The following THOC2 variants were observed in gnomAD, a reference collection of about 807,000 sequenced individuals.
THOC2 encodes THO complex subunit 2.
A neutral mutation model predicts 128.4 loss-of-function variants in THOC2; 10 were observed. The observed-to-expected ratio is 0.08, with a 90% confidence interval of 0.05 to 0.13. THOC2 has a LOEUF of 0.13. Among genes scored for constraint, THOC2 ranks in the 10% least tolerant of loss-of-function variants. The pLI, the probability that THOC2 is intolerant of heterozygous loss-of-function variation, is 1.00. For synonymous variants in THOC2, 393 were observed against 396.9 expected (o/e 0.99, Z 0.12); for missense variants, 535 against 1,155.7 (o/e 0.46, Z 7.79).
chrX:123,674,945 A>G (rs2049426096), intron 8 of THOC2, among the ~76,000 whole-genome samples: 1 of 111,676 alleles, frequency 9.0e-6, no homozygotes, highest in Admixed American at 9.6e-5. Context: ...GCATCACACA[A>G]TATACCCAGG....
chrX:123,606,471 G>A (rs1235990246), intron 38 of THOC2, among the ~76,000 whole-genome samples: 1 of 110,420 alleles, frequency 9.1e-6, no homozygotes, highest in Non-Finnish European at 1.9e-5. Context: ...GCACATGCCT[G>A]TAATCCCAGC....
rs1268369977 is a variant in THOC2 at position 123,600,743 on chromosome X, G to C, written c.*614C>G. On this transcript the variant is annotated 3_prime_UTR_variant, in exon 39 of 39. Transcript: ENST00000245838. ...TATGTTTTGATCCCCCCGCCGCCAAGATTTGTCTAACATAATTACAAGAAA... is the reference window on the plus strand; with the variant it reads ...TATGTTTTGATCCCCCCGCCGCCAACATTTGTCTAACATAATTACAAGAAA... 1 of 111,912 alleles carries C rather than the reference G, an allele frequency of 8.9e-6. No homozygotes were observed. Among genetic ancestry groups the C allele is most frequent in the East Asian group, 2.8e-4 (1 of 3,603 alleles). The allele number at this position is 111,912 out of a possible 1,213,427, so 9.2% of individuals were successfully genotyped here. A position where few individuals can be genotyped will look rare whatever the true frequency, so the allele number is the denominator to read the frequency against.
At chrX:123,630,950 G>A (rs2047458394) in intron 22 of THOC2, among the ~76,000 whole-genome samples, 1 of 112,411 alleles carries the variant, frequency 8.9e-6, no homozygotes, top group East Asian at 2.8e-4. Flanking sequence ...AGAGGGAAAT[G>A]CCATTTCTTT....
chrX:123,671,705 T>C lies in THOC2; in HGVS notation c.825A>G (p.Gln275=), dbSNP rs761169355. The C allele has an allele frequency of 3.4e-6, 4 of 1,180,064 alleles. No individual in the cohort carries two copies. The African/African-American group carries it at 5.3e-5, about 16-fold the overall frequency. The part of the protein sequence containing the change: ...SLYRVAAVLL[Q]FNLIDLDDLY... ...GATCATCTAAATCAATAAGATTAAA[T>C]TGTAGAAGTACTGCTGCAACTCTGT... The change falls in exon 9 of 39, where the codon CAA becomes CAG. Residue 275 remains glutamine, a synonymous_variant. Coordinates refer to ENST00000245838, the MANE Select transcript of THOC2 (RefSeq NM_001081550.2).
At chrX:123,714,700 T>C (rs1239906290) in intron 1 of THOC2, among the ~76,000 whole-genome samples, 1 of 112,100 alleles carries the variant, frequency 8.9e-6, no homozygotes, top group Non-Finnish European at 1.9e-5. Flanking sequence ...CAAACCTTTT[T>C]CCAGGCTCTA....
intron 1 of THOC2, among the ~76,000 whole-genome samples, chrX:123,721,195 C>CA (rs1456568375): frequency 3.7e-5 from 4 of 109,032 alleles, no homozygotes; most frequent in African/African-American, 1.3e-4. Context: ...TGTTTTGAGA[C>CA]AGAGTCTTGC....
intron 33 of THOC2, among the ~76,000 whole-genome samples, chrX:123,618,797 T>C (rs1216247246): frequency 9.0e-6 from 1 of 111,614 alleles, no homozygotes; most frequent in Non-Finnish European, 1.9e-5. Context: ...AGTAGAATAA[T>C]AGGTAAGAAT....
rs201564182 is a variant in THOC2, at chrX:123,645,335, G to A, written c.1427C>T (p.Thr476Met). The change falls in exon 13 of 39, where the codon ACG (threonine) becomes ATG (methionine). Residue 476 changes from threonine (T) to methionine (M), a missense_variant and splice_region_variant. Around this residue, in one of 9 missense-constraint regions of THOC2, gnomAD observed 197 missense variants for 313.4 expected, o/e 0.63. Transcript: ENST00000245838. ...TATTGGATTTTTCTAGTCTCTTACC[G>A]TTTTTTCTTTATCTTCTTGTTTGCT... ...DGSKQEDKEK[T>M]EVILSCLLSI... The A allele has an allele frequency of 9.7e-6, 11 of 1,131,164 alleles. No individual in the cohort carries two copies. The highest frequency in any genetic ancestry group is 6.1e-5 in the East Asian group (2 of 32,564). 93.2% of individuals were successfully genotyped at this position (1,131,164 alleles called of 1,213,427 possible). A position where few individuals can be genotyped will look rare whatever the true frequency, so the allele number is the denominator to read the frequency against.
At chrX:123,632,317 G>A (rs542828079) in intron 21 of THOC2, among the ~76,000 whole-genome samples, 60 of 108,537 alleles carry the variant, frequency 5.5e-4, no homozygotes, top group South Asian at 4.9e-3. Context: ...GCAGAGGCCC[G>A]ACTCTACAAA....
rs2047881212 is a variant in THOC2, at chrX:123,640,770, C to T, written c.1662-148G>A. ...TGTAAACAACTACATTCATCACATCCTTTATGGTAGGATTTGGGCTATTTT... is the reference window on the plus strand; with the variant it reads ...TGTAAACAACTACATTCATCACATCTTTTATGGTAGGATTTGGGCTATTTT... On this transcript the variant is annotated intron_variant, in intron 15 of 38. Coordinates refer to ENST00000245838, the MANE Select transcript of THOC2 (RefSeq NM_001081550.2). The T allele has an allele frequency of 3.4e-5, 12 of 354,813 alleles. No individual in the cohort carries two copies. In the Middle Eastern group the frequency reaches 4.5e-3, roughly 134 times the overall value. The allele number at this position is 354,813 out of a possible 1,213,427, so 29.2% of individuals were successfully genotyped here.
chrX:123,662,832 T>C (rs1037582458), intron 12 of THOC2, among the ~76,000 whole-genome samples: 2 of 111,212 alleles, frequency 1.8e-5, no homozygotes, highest in Non-Finnish European at 3.8e-5. Flanking sequence ...AAGATAACTA[T>C]AAATGGCAAA....
intron 1 of THOC2, among the ~76,000 whole-genome samples, chrX:123,719,126 A>C (rs149616859): frequency 0.01 from 1,095 of 108,345 alleles, 8 homozygotes; most frequent in Middle Eastern, 0.028. Context: ...TGCAGTGAAC[A>C]GAGATGGTGC....
chrX:123,621,524 T>G lies in THOC2; in HGVS notation c.3849A>C (p.Glu1283Asp), dbSNP rs747237724. Residue 1283 changes from glutamate (E) to aspartate (D), a missense_variant, in exon 31 of 39, where the codon GAA (glutamate) becomes GAC (aspartate). Physicochemically the swap from Glu to Asp is conservative, Grantham distance 45. Transcript: ENST00000245838. ...CCTCTGGAGTAGTAGCTGGAGTCTT[T>G]TCTTTTTTCTCTTTTTCTTTCTCTT... ...KGKEKEKEKK[E>D]KTPATTPEAR... 1 of 1,182,916 alleles carries G rather than the reference T, an allele frequency of 8.5e-7. No homozygotes were observed. The highest frequency in any genetic ancestry group is 3.0e-5 in the East Asian group (1 of 33,656).
chrX:123,694,338 G>A lies in THOC2; in HGVS notation c.601+1683C>T, dbSNP rs78561852. ...CCCTAGAAAGAACAGAAAGGGGCTGGGCACAGTGGCTCAAGCCTGCAATCC... is the reference window on the plus strand; with the variant it reads ...CCCTAGAAAGAACAGAAAGGGGCTGAGCACAGTGGCTCAAGCCTGCAATCC... On this transcript the variant is annotated intron_variant, in intron 7 of 38. Coordinates refer to ENST00000245838, the MANE Select transcript of THOC2 (RefSeq NM_001081550.2). 7.3e-3 allele frequency among the ~76,000 whole-genome samples: 815 copies of A among 111,602 alleles called. 5 individuals carry two copies. Among genetic ancestry groups the A allele is most frequent in the African/African-American group, 0.025 (772 of 30,760 alleles).
chrX:123,670,339 C>G, intron 9 of THOC2, among the ~76,000 whole-genome samples: 1 of 113,025 alleles, frequency 8.8e-6, no homozygotes, highest in Admixed American at 9.4e-5. Context: ...CCTGCCTTGG[C>G]TGGGCATGGT....
intron 25 of THOC2, among the ~76,000 whole-genome samples, chrX:123,625,028 G>C (rs1411949874): frequency 9.0e-6 from 1 of 111,180 alleles, no homozygotes; most frequent in African/African-American, 3.3e-5. Flanking sequence ...AGTAAGCAGA[G>C]GAAATGCTGA....
intron 4 of THOC2, among the ~76,000 whole-genome samples, chrX:123,701,528 C>T (rs575048782): frequency 8.1e-5 from 9 of 110,765 alleles, no homozygotes; most frequent in African/African-American, 2.3e-4. Context: ...ATTACTAGGG[C>T]CAATAAGCTG....
chrX:123,626,713 CTTCTT>C, intron 23 of THOC2, 51 bp from the exon 24 acceptor site: 1 of 1,097,354 alleles, frequency 9.1e-7, no homozygotes, highest in Non-Finnish European at 1.2e-6. Context: ...CATTACCTTT[CTTCTT>C]TTAATTGAAA....
chrX:123,670,168 C>T (rs917305543), intron 9 of THOC2, among the ~76,000 whole-genome samples: 10 of 112,334 alleles, frequency 8.9e-5, no homozygotes, highest in Non-Finnish European at 1.7e-4. Context: ...TGGCTCTCCA[C>T]TCCCAAGAGA....
Sources: allele counts gnomAD v4.1 joint callset (sites outside exome capture counted in the v4.1 genomes callset), GRCh38; gene constraint gnomAD v4.1.1; regional missense constraint gnomAD v4.1.1; transcripts MANE v1.5; gene names NCBI Gene and HGNC (gene_info 2026-07-23, HGNC 2026-07-21).